CLASP2: variants seen among roughly 807,000 people sequenced by gnomAD.
The protein encoded by CLASP2 is CLIP-associating protein 2.
A neutral mutation model predicts 194.4 loss-of-function variants in CLASP2; 47 were observed. That is an observed-to-expected ratio of 0.24 (90% CI 0.19 to 0.31). The LOEUF is 0.31. CLASP2 is among the 10% of genes least tolerant of loss of function. The probability of loss-of-function intolerance (pLI) is 1.00; values close to 1 mark genes in which losing one functional copy is unlikely to be tolerated. For synonymous variants in CLASP2, 619 were observed against 633.5 expected, an observed-to-expected ratio of 0.98 and a Z score of 0.34; for missense variants, 1,445 against 1,823.6, an observed-to-expected ratio of 0.79 and a Z score of 3.78.
chr3:33,522,894 C>T (rs938209669), intron 34 of CLASP2, among the ~76,000 whole-genome samples: 52 of 152,248 alleles, frequency 3.4e-4, no homozygotes, highest in Middle Eastern at 3.4e-3. Flanking sequence ...CACGGTGAAA[C>T]CCCGTCTCTA....
chr3:33,536,807 A>C (rs1183195960), intron 33 of CLASP2, among the ~76,000 whole-genome samples: 6 of 152,216 alleles, frequency 3.9e-5, no homozygotes, highest in Admixed American at 6.5e-5. Context: ...TGGAGACAAA[A>C]GATTTCCTGA....
intron 5 of CLASP2, among the ~76,000 whole-genome samples, chr3:33,685,860 G>C (rs1256075380): frequency 1.3e-5 from 2 of 152,180 alleles, no homozygotes; most frequent in Admixed American, 6.5e-5. Context: ...CTGGGGAGTT[G>C]CTGTTTCATG....
chr3:33,520,090 A>G (rs982954107), intron 34 of CLASP2, among the ~76,000 whole-genome samples: 1 of 152,180 alleles, frequency 6.6e-6, no homozygotes. Flanking sequence ...CTTGGCTCAC[A>G]GCAACCTCCA....
At chr3:33,506,966 T>G (rs1159247063) in intron 37 of CLASP2, among the ~76,000 whole-genome samples, 1 of 151,432 alleles carries the variant, frequency 6.6e-6, no homozygotes, top group Non-Finnish European at 1.5e-5. Flanking sequence ...GAGAAGGAGT[T>G]TCGCTCTTGT....
intron 7 of CLASP2, among the ~76,000 whole-genome samples, chr3:33,658,347 T>A (rs1006243613): frequency 3.3e-5 from 5 of 152,136 alleles, no homozygotes; most frequent in Non-Finnish European, 5.9e-5. Context: ...TAATGCCTAA[T>A]AAGGCATTAT....
chr3:33,598,098 C>T (rs943366623), intron 18 of CLASP2, among the ~76,000 whole-genome samples: 6 of 151,976 alleles, frequency 3.9e-5, no homozygotes, highest in Non-Finnish European at 8.8e-5. Flanking sequence ...GCCCCTCAAC[C>T]CTAGCTCTGG....
intron 23 of CLASP2, chr3:33,577,209 C>T: frequency 1.3e-6 from 2 of 1,596,812 alleles, no homozygotes; most frequent in Non-Finnish European, 1.7e-6. Flanking sequence ...CACCTGAGGC[C>T]CCATACACTT....
Position 33,573,264 on chromosome 3 carries a change from A to G in CLASP2, c.2545T>C (p.Ser849Pro). Residue 849 changes from serine (S) to proline (P), a missense_variant, in exon 25 of 39, where the codon TCC becomes CCC. Physicochemically the swap from Ser to Pro is moderately conservative, Grantham distance 74. Coordinates refer to ENST00000682230, the MANE Select transcript of CLASP2 (RefSeq NM_001365631.1). ...SDASSACSER[S>P]YSSRNGSIPT... ...ATACTACCATTTCGAGAACTATAGG[A>G]GCGTTCTGAACAAGCACTAGATGCA... is the stretch of plus-strand genomic sequence containing the variant. 6.2e-7 allele frequency: 1 copy of G among 1,613,952 alleles called. No homozygotes were observed. Among genetic ancestry groups the G allele is most frequent in the Non-Finnish European group, 8.5e-7 (1 of 1,179,850 alleles).
At chr3:33,601,044 C>T (rs1204269164) in intron 18 of CLASP2, among the ~76,000 whole-genome samples, 1 of 150,736 alleles carries the variant, frequency 6.6e-6, no homozygotes, top group Non-Finnish European at 1.5e-5. Context: ...CTGCAACCTC[C>T]GCCTCCCGGG....
chr3:33,537,006 C>T (rs1218734943), intron 33 of CLASP2, among the ~76,000 whole-genome samples: 2 of 152,138 alleles, frequency 1.3e-5, no homozygotes, highest in Non-Finnish European at 2.9e-5. Context: ...TGAATAGAGT[C>T]ATAGGATTTA....
chr3:33,622,896 C>T (rs1403595109), intron 10 of CLASP2, among the ~76,000 whole-genome samples: 1 of 149,640 alleles, frequency 6.7e-6, no homozygotes, highest in African/African-American at 2.6e-5. Flanking sequence ...GCAACTTGCA[C>T]CTCCCAGGTT....
At chr3:33,666,782 A>G (rs977971940) in intron 6 of CLASP2, among the ~76,000 whole-genome samples, 1 of 152,234 alleles carries the variant, frequency 6.6e-6, no homozygotes, top group South Asian at 2.1e-4. Flanking sequence ...GAGGAATTAT[A>G]AACTGTTTCC....
At chr3:33,672,558 G>A (rs1414423193) in intron 6 of CLASP2, among the ~76,000 whole-genome samples, 19 of 152,324 alleles carry the variant, frequency 1.2e-4, no homozygotes, top group Admixed American at 5.9e-4. Flanking sequence ...CCAAAGGAAC[G>A]CAGTTCCTCA....
At chr3:33,679,346 C>T (rs1225244331) in intron 6 of CLASP2, among the ~76,000 whole-genome samples, 1 of 152,026 alleles carries the variant, frequency 6.6e-6, no homozygotes, top group Admixed American at 6.6e-5. Flanking sequence ...TTTAAAACAA[C>T]ACCAAAAGCA....
intron 23 of CLASP2, among the ~76,000 whole-genome samples, chr3:33,580,883 G>T (rs796511493): frequency 4.0e-5 from 6 of 151,722 alleles, no homozygotes; most frequent in African/African-American, 1.4e-4. Flanking sequence ...GGGCGTGGTG[G>T]CAGGCGCCTG....
At chr3:33,597,132 C>T (rs1281109382) in intron 18 of CLASP2, among the ~76,000 whole-genome samples, 1 of 152,102 alleles carries the variant, frequency 6.6e-6, no homozygotes, top group African/African-American at 2.4e-5. Flanking sequence ...CACTTAGGCC[C>T]TCTCATCATT....
Position 33,538,696 on chromosome 3 carries a change from T to C in CLASP2, c.3558+93A>G. 5.7e-6 allele frequency: 6 copies of C among 1,053,158 alleles called. 1 individual carries two copies. The South Asian group carries it at 1.3e-4, about 23-fold the overall frequency. 65.2% of individuals were successfully genotyped at this position (1,053,158 alleles called of 1,614,324 possible). A position where few individuals can be genotyped will look rare whatever the true frequency, so the allele number is the denominator to read the frequency against. On this transcript the variant is annotated intron_variant, in intron 33 of 38. Coordinates refer to ENST00000682230, the MANE Select transcript of CLASP2 (RefSeq NM_001365631.1). Reference sequence around the variant, plus strand: ...GTAGAGTGACTGATCCCTAGAAAAGTATATTCAAAAATGACAGAAAGCAAA... The same window carrying C: ...GTAGAGTGACTGATCCCTAGAAAAGCATATTCAAAAATGACAGAAAGCAAA...
rs1174788989 is a variant in CLASP2, at chr3:33,644,874, C to A, written c.745G>T (p.Asp249Tyr). 1 of 1,605,512 alleles carries A rather than the reference C, an allele frequency of 6.2e-7. No individual in the cohort carries two copies. The highest frequency in any genetic ancestry group is 1.1e-5 in the South Asian group (1 of 89,470). Residue 249 changes from aspartate to tyrosine, a missense_variant, in exon 8 of 39, where the codon GAT becomes TAT. Coordinates refer to ENST00000682230, the MANE Select transcript of CLASP2 (RefSeq NM_001365631.1). ...DKSFDDEESV[D>Y]GNRPSSAASA... ...GCAGCTGATGATGGCCTATTTCCAT[C>A]CACTGATTCTTCATCATCGAAGCTT...
chr3:33,580,185 T>C (rs186450841), intron 23 of CLASP2, among the ~76,000 whole-genome samples: 40 of 152,330 alleles, frequency 2.6e-4, no homozygotes, highest in Admixed American at 2.4e-3. Flanking sequence ...CCTGTGATTC[T>C]AGCTTTAATG....
Sources: gnomAD v4.1 joint callset for allele counts (sites outside exome capture counted in the v4.1 genomes callset) on GRCh38, gnomAD v4.1.1 for gene constraint, MANE v1.5 for transcripts, NCBI Gene and HGNC (gene_info 2026-07-23, HGNC 2026-07-21) for gene names.